The following USP34 variants were observed in gnomAD, a reference collection of about 807,000 sequenced individuals.
USP34 encodes ubiquitin specific peptidase 34.
Under a neutral mutation model 460.3 loss-of-function variants are expected in USP34, and 70 were observed. The observed-to-expected ratio is 0.15, with a 90% confidence interval of 0.13 to 0.19. The LOEUF (loss-of-function observed/expected upper bound fraction) is 0.19, where lower values mean the gene tolerates loss of function less well. Among genes scored for constraint, USP34 ranks in the 10% least tolerant of loss-of-function variants. USP34 has a pLI of 1.00. For synonymous variants in USP34, 1,647 were observed against 1,405.3 expected, an observed-to-expected ratio of 1.17 and a Z score of -3.85; for missense variants, 3,985 against 4,236.2, an observed-to-expected ratio of 0.94 and a Z score of 1.65.
chr2:61,424,071 T>C (rs1420130536), intron 1 of USP34, among the ~76,000 whole-genome samples: 1 of 152,214 alleles, frequency 6.6e-6, no homozygotes, highest in East Asian at 1.9e-4. Flanking sequence ...GAAAACAGTA[T>C]GACAGTTCCT....
At chr2:61,401,311 T>C (rs1432953237) in intron 3 of USP34, among the ~76,000 whole-genome samples, 1 of 151,866 alleles carries the variant, frequency 6.6e-6, no homozygotes, top group Non-Finnish European at 1.5e-5. Flanking sequence ...TGATCATAAC[T>C]CACTGCAGCT....
At chr2:61,268,438 TAAAAAAAAAAAAAAA>T (rs35618230) in intron 41 of USP34, among the ~76,000 whole-genome samples, 18 of 53,376 alleles carry the variant, frequency 3.4e-4, no homozygotes, top group Non-Finnish European at 6.5e-5. Context: ...GAGCTGTTGT[TAAAAAAAAAAAAAAA>T]AAAAAAAAAA....
chr2:61,350,182 AATGT>A, intron 12 of USP34, 74 bp downstream of exon 12: 3 of 1,421,888 alleles, frequency 2.1e-6, no homozygotes, highest in Non-Finnish European at 1.9e-6. Flanking sequence ...GATTGAACTG[AATGT>A]ATTAGCAGAA....
rs1186223466 is a variant in USP34 at position 61,206,815 on chromosome 2, A to T, written c.8991T>A (p.Leu2997=). 1.9e-6 allele frequency: 3 copies of T among 1,613,806 alleles called. No homozygotes were observed. Among genetic ancestry groups the T allele is most frequent in the Middle Eastern group, 1.7e-4 (1 of 6,058 alleles). The change falls in exon 71 of 80, where the codon CTT becomes CTA. Residue 2997 remains leucine (L), a synonymous_variant. Coordinates refer to ENST00000398571, the MANE Select transcript of USP34 (RefSeq NM_014709.4). ...ACHVTGDLVE[L]LSIFLSVLKS... ...TCAAAACCGAAAGAAATATTGACAG[A>T]AGTTCTACTAAATCTCCAGTCACAT...
chr2:61,392,322 A>T (rs961837573), intron 5 of USP34, among the ~76,000 whole-genome samples: 1 of 152,138 alleles, frequency 6.6e-6, no homozygotes, highest in Non-Finnish European at 1.5e-5. Flanking sequence ...TCAAAAACAA[A>T]AACAAAACAA....
At chr2:61,253,691 A>T (rs372985607) in intron 48 of USP34, among the ~76,000 whole-genome samples, 27 of 150,788 alleles carry the variant, frequency 1.8e-4, no homozygotes, top group South Asian at 4.2e-4. Context: ...CCTTTGTTTG[A>T]GCCCCAAGAC....
At chr2:61,231,122 A>G (rs1028691195) in intron 58 of USP34, among the ~76,000 whole-genome samples, 6 of 152,244 alleles carry the variant, frequency 3.9e-5, no homozygotes, top group Non-Finnish European at 7.3e-5. Context: ...AAGATTGTTA[A>G]ATCGAAGCAG....
intron 48 of USP34, among the ~76,000 whole-genome samples, chr2:61,252,651 G>T (rs1366351402): frequency 6.6e-6 from 1 of 152,162 alleles, no homozygotes; most frequent in Non-Finnish European, 1.5e-5. Flanking sequence ...CAGGCAGAGG[G>T]AATAAAAAGT....
Position 61,405,720 on chromosome 2 carries a change from G to T in USP34, c.540C>A (p.His180Gln), listed in dbSNP as rs201767581. The T allele has an allele frequency of 1.9e-5, 29 of 1,549,014 alleles. No individual in the cohort carries two copies. In the South Asian group the frequency reaches 2.9e-4, roughly 16 times the overall value. ...CTATTTTACATACCTCAATAGTAGG[G>T]TGAGTATTATGCTTGTAAGCAGTAT... ...PLYTAYKHNT[H>Q]PTIEDISTQE... Residue 180 changes from histidine (H) to glutamine (Q), a missense_variant, in exon 3 of 80, where the codon CAC (histidine) becomes CAA (glutamine). Physicochemically the swap from His to Gln is conservative, Grantham distance 24. This residue lies in a region of USP34 where 331 missense variants were observed against 293.7 expected (regional missense o/e 1.13). Transcript: ENST00000398571.
intron 3 of USP34, among the ~76,000 whole-genome samples, chr2:61,401,067 C>T (rs1270215911): frequency 6.7e-6 from 1 of 149,942 alleles, no homozygotes. Flanking sequence ...AGGAGAATCG[C>T]CTGAACCCAG....
intron 1 of USP34, among the ~76,000 whole-genome samples, chr2:61,427,498 T>C (rs970731589): frequency 1.3e-5 from 2 of 152,174 alleles, no homozygotes; most frequent in Non-Finnish European, 2.9e-5. Context: ...AAATAAGGCA[T>C]CAGGGACCAA....
At chr2:61,224,708 G>T (rs568835060) in intron 62 of USP34, among the ~76,000 whole-genome samples, 1 of 152,038 alleles carries the variant, frequency 6.6e-6, no homozygotes, top group African/African-American at 2.4e-5. Context: ...TCCAAAAGTT[G>T]CAAGTAAACT....
At chr2:61,349,559 G>A (rs1691880941) in intron 12 of USP34, among the ~76,000 whole-genome samples, 1 of 152,060 alleles carries the variant, frequency 6.6e-6, no homozygotes, top group Non-Finnish European at 1.5e-5. Context: ...AATACCCACT[G>A]GCCAGATGCA....
intron 2 of USP34, 47 bp from the exon 3 acceptor site, chr2:61,406,175 G>T: frequency 7.2e-7 from 1 of 1,386,688 alleles, no homozygotes; most frequent in Non-Finnish European, 9.5e-7. Flanking sequence ...AGCAGCAGCT[G>T]TATTTTTTAA....
chr2:61,307,914 T>C (rs1358907105), intron 27 of USP34, among the ~76,000 whole-genome samples: 1 of 152,034 alleles, frequency 6.6e-6, no homozygotes, highest in East Asian at 1.9e-4. Flanking sequence ...CTGGGCATGA[T>C]GGCCGGCACC....
At chr2:61,297,546 AC>A (rs1343852352) in intron 29 of USP34, among the ~76,000 whole-genome samples, 1 of 152,228 alleles carries the variant, frequency 6.6e-6, no homozygotes, top group Non-Finnish European at 1.5e-5. Context: ...TTAAAGTACC[AC>A]CCTGAGAGGT....
chr2:61,357,917 G>A (rs1289526147), intron 10 of USP34, among the ~76,000 whole-genome samples: 5 of 152,084 alleles, frequency 3.3e-5, no homozygotes, highest in African/African-American at 4.8e-5. Context: ...TGGGCCGGGC[G>A]TGGTGGCTCA....
intron 29 of USP34, among the ~76,000 whole-genome samples, chr2:61,300,317 T>C (rs1255426053): frequency 6.6e-6 from 1 of 151,798 alleles, no homozygotes; most frequent in East Asian, 2.0e-4. Context: ...TCTTCCCCAT[T>C]CTCCTTTCTA....
chr2:61,375,364 A>C (rs1692759944), intron 8 of USP34, among the ~76,000 whole-genome samples: 1 of 152,230 alleles, frequency 6.6e-6, no homozygotes, highest in South Asian at 2.1e-4. Flanking sequence ...AAGGTAAACT[A>C]ATCATATAAG....
Sources: gnomAD v4.1 joint callset for allele counts (sites outside exome capture counted in the v4.1 genomes callset) on GRCh38, gnomAD v4.1.1 for gene constraint, gnomAD v4.1.1 regional missense constraint, MANE v1.5 for transcripts, NCBI Gene and HGNC (gene_info 2026-07-23, HGNC 2026-07-21) for gene names.